RRP8: variants seen among roughly 807,000 people sequenced by gnomAD.
RRP8 encodes the protein ribosomal RNA-processing protein 8.
Under a neutral mutation model 45.0 loss-of-function variants are expected in RRP8, and 48 were observed. The observed-to-expected ratio is 1.07, with a 90% confidence interval of 0.85 to 1.36. The LOEUF (loss-of-function observed/expected upper bound fraction) is 1.36, where lower values mean the gene tolerates loss of function less well. Ranked by LOEUF, RRP8 falls within the 40% of genes most tolerant of loss-of-function variation. The probability of loss-of-function intolerance (pLI) is 0.00; values close to 1 mark genes in which losing one functional copy is unlikely to be tolerated. For synonymous variants in RRP8, 274 were observed against 212.4 expected, an observed-to-expected ratio of 1.29 and a Z score of -2.52; for missense variants, 658 against 573.7, an observed-to-expected ratio of 1.15 and a Z score of -1.50.
In RRP8 at chr11:6,600,519, A is replaced by G. The variant is rs1190104223; in HGVS notation, c.1218T>C (p.Ala406=). Residue 406 remains alanine (A), a synonymous_variant, in exon 6 of 7, where the codon GCT becomes GCC. Coordinates refer to ENST00000254605, the MANE Select transcript of RRP8 (RefSeq NM_015324.4). ...CAATCTTGAAGCCTAGCTTGGTCAC[A>G]GCCCGCAGAAAGGTTCGAACATCCT... ...RFEDVRTFLR[A]VTKLGFKIVS... is the part of the protein sequence containing the mutation. The G allele has an allele frequency of 1.9e-6, 3 of 1,613,780 alleles. No homozygotes were observed. The highest frequency in any genetic ancestry group is 1.7e-5 in the Admixed American group (1 of 60,006).
At chr11:6,603,318 C>T (rs1854499428) in intron 1 of RRP8, 86 bp downstream of exon 1, 4 of 980,898 alleles carry the variant, frequency 4.1e-6, no homozygotes, top group Non-Finnish European at 6.1e-6. Flanking sequence ...ACAGGTGTCC[C>T]TCCCCGCAAT....
chr11:6,600,627 T>C (rs756453710), intron 5 of RRP8, 42 bp downstream of exon 5: 3 of 1,609,652 alleles, frequency 1.9e-6, no homozygotes, highest in Non-Finnish European at 2.6e-6. Context: ...GACTCATGCA[T>C]GCACACATAC....
In RRP8 at chr11:6,602,080, C is replaced by T. The variant is rs768278894; in HGVS notation, c.235G>A (p.Ala79Thr). ...TCAGCAGAGGCACTGGCAAATGATG[C>T]CTTTTTGGGGCATTTCTTCTTCCTT... ...EERKKKCPKK[A>T]SFASASAEVG... Residue 79 changes from alanine to threonine, a missense_variant, in exon 2 of 7, where the codon GCA becomes ACA. By Grantham distance (58) the Ala-to-Thr change is moderately conservative. Coordinates refer to ENST00000254605, the MANE Select transcript of RRP8 (RefSeq NM_015324.4). 6.2e-7 allele frequency: 1 copy of T among 1,613,532 alleles called. No individual in the cohort carries two copies. The highest frequency in any genetic ancestry group is 8.5e-7 in the Non-Finnish European group (1 of 1,179,658).
At chr11:6,601,118 T>C in intron 3 of RRP8, 31 bp downstream of exon 3, 1 of 1,613,874 alleles carries the variant, frequency 6.2e-7, no homozygotes, top group Non-Finnish European at 8.5e-7. Flanking sequence ...ACCCACCACA[T>C]GGCTTCTCAC....
chr11:6,600,045 C>G lies in RRP8; in HGVS notation c.*101G>C. The G allele has an allele frequency of 1.4e-6, 1 of 737,378 alleles. No homozygotes were observed. Among genetic ancestry groups the G allele is most frequent in the Non-Finnish European group, 2.1e-6 (1 of 465,966 alleles). The allele number at this position is 737,378 out of a possible 1,614,324, so 45.7% of individuals were successfully genotyped here. A position where few individuals can be genotyped will look rare whatever the true frequency, so the allele number is the denominator to read the frequency against. On this transcript the variant is annotated 3_prime_UTR_variant, in exon 7 of 7. Transcript: ENST00000254605. The stretch of plus-strand genomic sequence containing the variant: ...TATCACACTTTGTCCTCAGGGTCCA[C>G]CAGGAACCAGGTCTTGGCTCACAGC...
At position 6,596,159 on chromosome 11, in the gene RRP8, AG is replaced by A. The variant is rs1854225257; in HGVS notation, c.*3986del. 1 of 152,260 alleles carries A rather than the reference AG, an allele frequency of 6.6e-6. No homozygotes were observed. The highest frequency in any genetic ancestry group is 2.4e-5 in the African/African-American group (1 of 41,464). 9.4% of individuals were successfully genotyped at this position (152,260 alleles called of 1,614,324 possible). A position where few individuals can be genotyped will look rare whatever the true frequency, so the allele number is the denominator to read the frequency against. On this transcript the variant is annotated 3_prime_UTR_variant, in exon 7 of 7. Coordinates refer to ENST00000254605, the MANE Select transcript of RRP8 (RefSeq NM_015324.4). ...ATGCAGTTTACCTGTGTCCAGAAAGAGGACATTTGGGTGAGCATCTGGCCAG... is the reference window on the plus strand; with the variant it reads ...ATGCAGTTTACCTGTGTCCAGAAAGAGACATTTGGGTGAGCATCTGGCCAG...
At position 6,601,342 on chromosome 11, in the gene RRP8, T is replaced by C. The variant is rs573529126; in HGVS notation, c.724A>G (p.Met242Val). Reference sequence around the variant, plus strand: ...CGGGCCCCATCCAGCCGCTGTGCCATGCGGGCTCGCAAAGCCCCTGCCCGA... The same window carrying C: ...CGGGCCCCATCCAGCCGCTGTGCCACGCGGGCTCGCAAAGCCCCTGCCCGA... Reference protein sequence around the residue: ...EARAGALRARMAQRLDGARFR... With the variant: ...EARAGALRARVAQRLDGARFR... The change falls in exon 3 of 7, where the codon ATG becomes GTG. Residue 242 changes from methionine (M) to valine (V), a missense_variant. Physicochemically the swap from Met to Val is conservative, Grantham distance 21. Coordinates refer to ENST00000254605, the MANE Select transcript of RRP8 (RefSeq NM_015324.4). The C allele has an allele frequency of 2.0e-5, 33 of 1,614,004 alleles. No individual in the cohort carries two copies. The South Asian group carries it at 3.0e-4, about 15-fold the overall frequency.
Position 6,595,877 on chromosome 11 carries a change from G to GC in RRP8, c.*4268_*4269insG, listed in dbSNP as rs1854220885. On this transcript the variant is annotated 3_prime_UTR_variant, in exon 7 of 7. Coordinates refer to ENST00000254605, the MANE Select transcript of RRP8 (RefSeq NM_015324.4). The stretch of plus-strand genomic sequence containing the variant: ...AATCAAGTTTATTTTCTTGTTCAAA[G>GC]TCCAATATGGATGTTTTTGGTCAAG... 6.6e-6 allele frequency: 1 copy of GC among 152,196 alleles called. No homozygotes were observed. Among genetic ancestry groups the GC allele is most frequent in the African/African-American group, 2.4e-5 (1 of 41,444 alleles). 9.4% of individuals were successfully genotyped at this position (152,196 alleles called of 1,614,324 possible).
At chr11:6,601,787 G>A in intron 2 of RRP8, 65 bp downstream of exon 2, 1 of 1,514,752 alleles carries the variant, frequency 6.6e-7, no homozygotes, top group Non-Finnish European at 8.9e-7. Context: ...ACTCTTGTAT[G>A]TAGAACCAGC....
In RRP8 at chr11:6,595,416, C is replaced by T. The variant is rs928616772; in HGVS notation, c.*4730G>A. 1.3e-5 allele frequency: 2 copies of T among 152,074 alleles called. No individual in the cohort carries two copies. Among genetic ancestry groups the T allele is most frequent in the Non-Finnish European group, 2.9e-5 (2 of 68,016 alleles). The allele number at this position is 152,074 out of a possible 1,614,324, so 9.4% of individuals were successfully genotyped here. On this transcript the variant is annotated 3_prime_UTR_variant, in exon 7 of 7. Coordinates refer to ENST00000254605, the MANE Select transcript of RRP8 (RefSeq NM_015324.4). ...AGAAGTCTAATACTAAGTAGGGCATCCCTGCTTAATCAATAACACTTCATT... is the reference window on the plus strand; with the variant it reads ...AGAAGTCTAATACTAAGTAGGGCATTCCTGCTTAATCAATAACACTTCATT...
intron 1 of RRP8, among the ~76,000 whole-genome samples, chr11:6,602,875 C>T (rs1854463666): frequency 6.6e-6 from 1 of 152,146 alleles, no homozygotes; most frequent in Non-Finnish European, 1.5e-5. Flanking sequence ...TAATCCTAGG[C>T]CAGGCACTTA....
In RRP8 at chr11:6,595,787, G is replaced by A. The variant is rs1201559733; in HGVS notation, c.*4359C>T. ...AGAGTAAGGTGGACAGGATACCATA[G>A]AAGATATATCCAGTGTATATAATGA... On this transcript the variant is annotated 3_prime_UTR_variant, in exon 7 of 7. Transcript: ENST00000254605. 1 of 152,198 alleles carries A rather than the reference G, an allele frequency of 6.6e-6. No individual in the cohort carries two copies. Among genetic ancestry groups the A allele is most frequent in the Non-Finnish European group, 1.5e-5 (1 of 68,020 alleles). The allele number at this position is 152,198 out of a possible 1,614,324, so 9.4% of individuals were successfully genotyped here.
At chr11:6,602,264 C>T (rs1004367084) in intron 1 of RRP8, 49 bp from the exon 2 acceptor site, 6 of 1,502,128 alleles carry the variant, frequency 4.0e-6, no homozygotes, top group Middle Eastern at 3.6e-4. Context: ...ATGGATGAGG[C>T]CTGGAGAACA....
Position 6,602,134 on chromosome 11 carries a change from T to C in RRP8, c.181A>G (p.Ile61Val). 2.5e-6 allele frequency: 4 copies of C among 1,610,024 alleles called. No individual in the cohort carries two copies. The highest frequency in any genetic ancestry group is 3.4e-6 in the Non-Finnish European group (4 of 1,177,150). Residue 61 changes from isoleucine (I) to valine (V), a missense_variant, in exon 2 of 7, where the codon ATA becomes GTA. By Grantham distance (29) the Ile-to-Val change is conservative. Transcript: ENST00000254605. ...TCCTCCTCCTCCTCAGAGTCACTTA[T>C]ACATAGGCTGGGGGGATGCTGGGAA... ...SLSQHPPSLC[I>V]SDSEEEEEER...
rs969024197 is a variant in RRP8 at position 6,599,179 on chromosome 11, C to T, written c.*967G>A. 1.3e-5 allele frequency: 2 copies of T among 152,252 alleles called. No individual in the cohort carries two copies. The highest frequency in any genetic ancestry group is 4.8e-5 in the African/African-American group (2 of 41,454). The allele number at this position is 152,252 out of a possible 1,614,324, so 9.4% of individuals were successfully genotyped here. On this transcript the variant is annotated 3_prime_UTR_variant, in exon 7 of 7. Transcript: ENST00000254605. Reference sequence around the variant, plus strand: ...CTCTCCCAGAGGCTTCCTTAGTCAACAAATCCATTCTTTACCCCTCAGCCT... The same window carrying T: ...CTCTCCCAGAGGCTTCCTTAGTCAATAAATCCATTCTTTACCCCTCAGCCT...
At position 6,599,938 on chromosome 11, in the gene RRP8, TTTA is replaced by T. The variant is rs1284227039; in HGVS notation, c.*205_*207del. ...ATCCCCATGTTCTCACAATAAACTC[TTTA>T]TTGTTTAGCTAGCCCCAGTGACTTT... is the stretch of plus-strand genomic sequence containing the variant. On this transcript the variant is annotated 3_prime_UTR_variant, in exon 7 of 7. Transcript: ENST00000254605. 3.5e-5 allele frequency: 13 copies of T among 366,488 alleles called. No individual in the cohort carries two copies. The highest frequency in any genetic ancestry group is 2.7e-4 in the African/African-American group (13 of 47,644). 22.7% of individuals were successfully genotyped at this position (366,488 alleles called of 1,614,324 possible).
chr11:6,600,438 T>G, intron 6 of RRP8, 48 bp downstream of exon 6: 1 of 1,554,332 alleles, frequency 6.4e-7, no homozygotes, highest in Non-Finnish European at 8.9e-7. Context: ...GTACCCTGAA[T>G]AGGGCCACAT....
In RRP8 at chr11:6,603,437, T is replaced by C. The variant is rs897209805; in HGVS notation, c.66A>G (p.Ser22=). The change falls in exon 1 of 7, where the codon TCA becomes TCG. Residue 22 remains serine, a synonymous_variant. Transcript: ENST00000254605. ...PVAAGLGPVI[S]RPPPAASSQN... ...GCGAGGAGGCCGCAGGCGGAGGTCG[T>C]GAGATTACGGGCCCAAGGCCCGCGG... is the stretch of plus-strand genomic sequence containing the variant. 4 of 1,597,744 alleles carry C rather than the reference T, an allele frequency of 2.5e-6. No individual in the cohort carries two copies. Among genetic ancestry groups the C allele is most frequent in the South Asian group, 1.1e-5 (1 of 89,246 alleles).
chr11:6,603,472 C>A lies in RRP8; in HGVS notation c.31G>T (p.Ala11Ser), dbSNP rs1359310768. 2 of 1,597,936 alleles carry A rather than the reference C, an allele frequency of 1.3e-6. No homozygotes were observed. The highest frequency in any genetic ancestry group is 2.3e-5 in the East Asian group (1 of 44,250). Reference protein sequence around the residue: MFEEPEWAEAAPVAAGLGPVI... With the variant: MFEEPEWAEASPVAAGLGPVI... ...GGCCCAAGGCCCGCGGCTACTGGGG[C>A]CGCCTCGGCCCACTCAGGCTCTTCG... is the stretch of plus-strand genomic sequence containing the variant. The change falls in exon 1 of 7, where the codon GCC becomes TCC. Residue 11 changes from alanine to serine, a missense_variant. Physicochemically the swap from Ala to Ser is moderately conservative, Grantham distance 99 (BLOSUM62 1). Transcript: ENST00000254605.
Sources: allele counts gnomAD v4.1 joint callset (sites outside exome capture counted in the v4.1 genomes callset), GRCh38; gene constraint gnomAD v4.1.1; transcripts MANE v1.5; gene names NCBI Gene and HGNC (gene_info 2026-07-23, HGNC 2026-07-21).